Variants in TENM4 observed in about 807,000 individuals in gnomAD.
TENM4 encodes the protein teneurin-4.
A neutral mutation model predicts 243.3 loss-of-function variants in TENM4; 82 were observed. The ratio of observed to expected loss-of-function variants is 0.34; its 90% CI spans 0.28 to 0.40. The LOEUF is 0.40. Ranked by LOEUF, TENM4 falls within the 10% of genes least tolerant of loss-of-function variation. The pLI is 1.00. For synonymous variants in TENM4, 1,412 were observed against 1,456.3 expected, an observed-to-expected ratio of 0.97 and a Z score of 0.69; for missense variants, 3,138 against 3,673.3, an observed-to-expected ratio of 0.85 and a Z score of 3.77.
chr11:79,030,397 C>T (rs1257381946), intron 6 of TENM4, among the ~76,000 whole-genome samples: 1 of 152,186 alleles, frequency 6.6e-6, no homozygotes. Flanking sequence ...CCCTCTCTCA[C>T]TGCCTTGGCT....
intron 3 of TENM4, among the ~76,000 whole-genome samples, chr11:79,199,816 C>T (rs1176921076): frequency 1.1e-4 from 17 of 152,214 alleles, no homozygotes; most frequent in Non-Finnish European, 2.4e-4. Flanking sequence ...TGTTTTCCTG[C>T]TGTGGTTGGG....
chr11:79,173,811 G>A (rs1863101830), intron 3 of TENM4, among the ~76,000 whole-genome samples: 2 of 152,168 alleles, frequency 1.3e-5, no homozygotes, highest in Non-Finnish European at 2.9e-5. Flanking sequence ...GATCATGTGG[G>A]ACTCACAGTG....
chr11:79,193,580 G>A (rs572880248), intron 3 of TENM4, among the ~76,000 whole-genome samples: 1 of 152,132 alleles, frequency 6.6e-6, no homozygotes, highest in South Asian at 2.1e-4. Flanking sequence ...GGGCTGGATG[G>A]CTTCTGTAGG....
chr11:79,131,452 T>C (rs1480476049), intron 4 of TENM4, among the ~76,000 whole-genome samples: 1 of 152,106 alleles, frequency 6.6e-6, no homozygotes, highest in African/African-American at 2.4e-5. Flanking sequence ...GAAGGAAAGG[T>C]ACAGTCTTTT....
At chr11:79,366,492 G>A (rs1473559902) in intron 1 of TENM4, among the ~76,000 whole-genome samples, 2 of 152,256 alleles carry the variant, frequency 1.3e-5, no homozygotes, top group Non-Finnish European at 2.9e-5. Context: ...TGCACAGGCT[G>A]TGGATTAGGG....
chr11:78,927,140 G>C (rs1045454887), intron 6 of TENM4, among the ~76,000 whole-genome samples: 1 of 152,214 alleles, frequency 6.6e-6, no homozygotes, highest in Non-Finnish European at 1.5e-5. Context: ...TTTGGAGCTT[G>C]TTTCTGATGA....
intron 27 of TENM4, among the ~76,000 whole-genome samples, chr11:78,706,113 G>T (rs1469612617): frequency 1.3e-5 from 2 of 152,220 alleles, no homozygotes; most frequent in Non-Finnish European, 2.9e-5. Context: ...AATGGGGGTA[G>T]ATCAGCTCTA....
chr11:79,199,505 T>C (rs529376718), intron 3 of TENM4, among the ~76,000 whole-genome samples: 47 of 152,332 alleles, frequency 3.1e-4, no homozygotes, highest in Non-Finnish European at 5.7e-4. Context: ...TTCATTGTCA[T>C]TATTTATCCA....
At chr11:79,168,972 A>G (rs1466815927) in intron 3 of TENM4, among the ~76,000 whole-genome samples, 2 of 152,186 alleles carry the variant, frequency 1.3e-5, no homozygotes, top group Non-Finnish European at 2.9e-5. Context: ...TCAGTCCTTC[A>G]TCTCAGATAA....
chr11:78,802,352 TAAGGA>T (rs1442167686), intron 15 of TENM4, among the ~76,000 whole-genome samples: 2 of 152,214 alleles, frequency 1.3e-5, no homozygotes, highest in African/African-American at 4.8e-5. Context: ...ATTTTTCAGA[TAAGGA>T]AACTGAAGTC....
intron 16 of TENM4, among the ~76,000 whole-genome samples, chr11:78,782,781 A>AAC (rs1856864777): frequency 6.6e-6 from 1 of 151,498 alleles, no homozygotes; most frequent in African/African-American, 2.4e-5. Flanking sequence ...TTAAAAAAAA[A>AAC]AAAACTGGAC....
intron 6 of TENM4, among the ~76,000 whole-genome samples, chr11:79,064,368 T>A (rs75701287): frequency 6.6e-6 from 1 of 152,184 alleles, no homozygotes; most frequent in Non-Finnish European, 1.5e-5. Context: ...GAGCTAGAGA[T>A]GGCATGAGCA....
chr11:79,418,690 T>G (rs989588272), intron 1 of TENM4, among the ~76,000 whole-genome samples: 4 of 152,242 alleles, frequency 2.6e-5, no homozygotes, highest in African/African-American at 4.8e-5. Context: ...TAGTTCATGC[T>G]TCACCTCTTC....
intron 2 of TENM4, among the ~76,000 whole-genome samples, chr11:79,216,654 C>T (rs759691195): frequency 9.7e-4 from 147 of 152,280 alleles, no homozygotes; most frequent in Non-Finnish European, 1.8e-3. Flanking sequence ...TAAAGCAAGG[C>T]TGGCCCCTCA....
At chr11:78,663,252 G>A in intron 32 of TENM4, among the ~76,000 whole-genome samples, 1 of 152,214 alleles carries the variant, frequency 6.6e-6, no homozygotes, top group Non-Finnish European at 1.5e-5. Flanking sequence ...ATTTTGATTT[G>A]AGCCTTAGAG....
chr11:79,348,714 T>C (rs1458059947), intron 1 of TENM4, among the ~76,000 whole-genome samples: 1 of 152,188 alleles, frequency 6.6e-6, no homozygotes, highest in Non-Finnish European at 1.5e-5. Flanking sequence ...GATCTTGGAC[T>C]TCCAACCTCC....
chr11:78,914,532 T>C (rs772966084), intron 6 of TENM4, among the ~76,000 whole-genome samples: 5 of 152,172 alleles, frequency 3.3e-5, no homozygotes, highest in Non-Finnish European at 7.3e-5. Context: ...GCAGGGCTAA[T>C]ATAATGAGCC....
At chr11:78,750,877 GTGTC>G (rs1381277285) in intron 19 of TENM4, among the ~76,000 whole-genome samples, 1 of 150,996 alleles carries the variant, frequency 6.6e-6, no homozygotes, top group African/African-American at 2.5e-5. Context: ...GTGTGTGTGT[GTGTC>G]TGTGTGTCTG....
chr11:78,881,695 G>A (rs944446489), intron 9 of TENM4, among the ~76,000 whole-genome samples: 2 of 152,128 alleles, frequency 1.3e-5, no homozygotes, highest in African/African-American at 4.8e-5. Flanking sequence ...TACTTCCATT[G>A]CCAGGAAGGG....
Sources: gnomAD v4.1 joint callset for allele counts (sites outside exome capture counted in the v4.1 genomes callset) on GRCh38, gnomAD v4.1.1 for gene constraint, MANE v1.5 for transcripts, NCBI Gene and HGNC (gene_info 2026-07-23, HGNC 2026-07-21) for gene names.